The following TK2 variants were observed in gnomAD, a reference collection of about 807,000 sequenced individuals.
TK2 encodes thymidine kinase 2, mitochondrial.
A neutral mutation model predicts 41.9 loss-of-function variants in TK2; 35 were observed. That is an observed-to-expected ratio of 0.84 (90% CI 0.64 to 1.11). The LOEUF is 1.11. Ranked by LOEUF, TK2 falls within the 50% of genes least tolerant of loss-of-function variation. The probability of loss-of-function intolerance (pLI) is 0.00; values close to 1 mark genes in which losing one functional copy is unlikely to be tolerated. For missense variants in TK2, 320 were observed against 351.1 expected (o/e 0.91, Z 0.71); for synonymous variants, 128 against 129.1 (o/e 0.99, Z 0.06).
At chr16:66,525,260 G>A (rs1964897942) in intron 6 of TK2, among the ~76,000 whole-genome samples, 1 of 152,190 alleles carries the variant, frequency 6.6e-6, no homozygotes, top group Admixed American at 6.5e-5. Context: ...TAGGGACTCT[G>A]GGGTATGTGG....
rs1260222826 is a variant in TK2 at position 66,509,403 on chromosome 16, A to G, written c.*2565T>C. On this transcript the variant is annotated 3_prime_UTR_variant, in exon 10 of 10. Coordinates refer to ENST00000544898, the MANE Select transcript of TK2 (RefSeq NM_004614.5). Reference sequence around the variant, plus strand: ...CTTCTTTTATGTAAAAGATAAATATATTTCTATCTAGTTTCCAAAAAAAAC... The same window carrying G: ...CTTCTTTTATGTAAAAGATAAATATGTTTCTATCTAGTTTCCAAAAAAAAC... 1 of 152,142 alleles carries G rather than the reference A, an allele frequency of 6.6e-6. No homozygotes were observed. The highest frequency in any genetic ancestry group is 1.5e-5 in the Non-Finnish European group (1 of 68,030). 9.4% of individuals were successfully genotyped at this position (152,142 alleles called of 1,614,324 possible).
Position 66,517,924 on chromosome 16 carries a change from G to A in TK2, c.450-47C>T. On this transcript the variant is annotated intron_variant, in intron 6 of 9. Transcript: ENST00000544898. The surrounding 1 kb of genome is among the most constrained non-coding windows in gnomAD (Gnocchi z 4.3). ...CTTATTCACCTAAGAGAAAACTTCT[G>A]GGCTATGCAATTCCCCCAAAAGGAT... 3 of 1,519,902 alleles carry A rather than the reference G, an allele frequency of 2.0e-6. No individual in the cohort carries two copies. The highest frequency in any genetic ancestry group is 2.7e-6 in the Non-Finnish European group (3 of 1,094,168). The allele number at this position is 1,519,902 out of a possible 1,614,324, so 94.2% of individuals were successfully genotyped here. A position where few individuals can be genotyped will look rare whatever the true frequency, so the allele number is the denominator to read the frequency against.
Position 66,514,375 on chromosome 16 carries a change from C to A in TK2, c.619-564G>T, listed in dbSNP as rs997785925. On this transcript the variant is annotated intron_variant, in intron 8 of 9. Coordinates refer to ENST00000544898, the MANE Select transcript of TK2 (RefSeq NM_004614.5). This position sits in a 1 kb window ranked among gnomAD's most constrained non-coding sequence, Gnocchi z 4.2. ...ACCGCGAGTGATCCGCCAGCCTCGG[C>A]CTCCCGAGGTGCCGGGATTGCAGAC... Among the ~76,000 whole-genome samples, 7 of 152,378 alleles carry A rather than the reference C, an allele frequency of 4.6e-5. No individual in the cohort carries two copies. In the South Asian group the frequency reaches 1.4e-3, roughly 32 times the overall value.
chr16:66,548,025 G>A (rs1295750808), intron 2 of TK2: 1 of 1,206,146 alleles, frequency 8.3e-7, no homozygotes, highest in South Asian at 1.3e-5. Context: ...TTGAGCCCAG[G>A]AGTTGGAGGC....
intron 9 of TK2, among the ~76,000 whole-genome samples, chr16:66,513,027 C>T (rs1202206908): frequency 6.6e-6 from 1 of 152,174 alleles, no homozygotes; most frequent in Non-Finnish European, 1.5e-5. Flanking sequence ...CTTAGGTTCC[C>T]TCCAATCAAG....
At chr16:66,544,250 G>C (rs1325806785) in intron 2 of TK2, among the ~76,000 whole-genome samples, 1 of 152,088 alleles carries the variant, frequency 6.6e-6, no homozygotes, top group Non-Finnish European at 1.5e-5. Flanking sequence ...AATGGAAGGG[G>C]GAACAGGAAG....
intron 4 of TK2, among the ~76,000 whole-genome samples, chr16:66,533,582 T>C (rs1371544277): frequency 6.6e-6 from 1 of 151,994 alleles, no homozygotes; most frequent in Non-Finnish European, 1.5e-5. Context: ...AAGTTTAAAA[T>C]TTTTAAAGAA....
intron 4 of TK2, among the ~76,000 whole-genome samples, chr16:66,533,745 C>A (rs556063643): frequency 1.3e-5 from 2 of 151,898 alleles, no homozygotes; most frequent in Admixed American, 1.3e-4. Flanking sequence ...TGGTGGCTCA[C>A]GTCTGTAATC....
chr16:66,546,121 T>C (rs942202863), intron 2 of TK2, among the ~76,000 whole-genome samples: 1 of 152,244 alleles, frequency 6.6e-6, no homozygotes, highest in Non-Finnish European at 1.5e-5. Flanking sequence ...TCCCAGCTAC[T>C]TGGGAGGCTG....
chr16:66,534,236 C>T (rs891655397), intron 4 of TK2, among the ~76,000 whole-genome samples: 4 of 152,080 alleles, frequency 2.6e-5, no homozygotes, highest in Admixed American at 1.3e-4. Flanking sequence ...AGATGCACCC[C>T]TTCAACCCTG....
At position 66,549,547 on chromosome 16, in the gene TK2, G is replaced by C. The variant is rs1281393107; in HGVS notation, c.124+391C>G. 5.7e-6 allele frequency: 6 copies of C among 1,054,906 alleles called. No homozygotes were observed. In the East Asian group the frequency reaches 2.3e-4, roughly 40 times the overall value. 65.3% of individuals were successfully genotyped at this position (1,054,906 alleles called of 1,614,324 possible). A position where few individuals can be genotyped will look rare whatever the true frequency, so the allele number is the denominator to read the frequency against. On this transcript the variant is annotated intron_variant, in intron 1 of 9. Transcript: ENST00000544898. ...CCCAGGGAGGGCAGGAGAGCGCCGG[G>C]GGCGTAACCCCCCTCCCCCACGCTG...
intron 6 of TK2, among the ~76,000 whole-genome samples, chr16:66,528,309 A>G (rs1279062360): frequency 7.2e-5 from 11 of 152,202 alleles, no homozygotes; most frequent in Non-Finnish European, 1.3e-4. Context: ...GGAGGGCCCC[A>G]TGCCTGAGCC....
At chr16:66,539,164 G>T (rs1965376273) in intron 3 of TK2, among the ~76,000 whole-genome samples, 1 of 152,132 alleles carries the variant, frequency 6.6e-6, no homozygotes, top group African/African-American at 2.4e-5. Context: ...GCCATTAAGA[G>T]TCATATCACT....
At chr16:66,539,091 A>T (rs1246454995) in intron 3 of TK2, among the ~76,000 whole-genome samples, 2 of 152,180 alleles carry the variant, frequency 1.3e-5, no homozygotes, top group African/African-American at 4.8e-5. Context: ...TACTCACTGG[A>T]TGTTAACTAT....
chr16:66,550,027 C>T lies in TK2; in HGVS notation c.35G>A (p.Arg12Gln), dbSNP rs1417888793. 5.2e-6 allele frequency: 8 copies of T among 1,550,492 alleles called. No individual in the cohort carries two copies. In the East Asian group the frequency reaches 9.7e-5, roughly 19 times the overall value. ...TCCCGGCCCAAAGCAGCGCAGCGCC[C>T]GGGCGGCCCAGCCCCGCAGCGGCCA... ...LLWPLRGWAA[R>Q]ALRCFGPGSR... Residue 12 changes from arginine to glutamine, a missense_variant, in exon 1 of 10, where the codon CGG becomes CAG. Physicochemically the swap from Arg to Gln is conservative, Grantham distance 43. Coordinates refer to ENST00000544898, the MANE Select transcript of TK2 (RefSeq NM_004614.5).
At chr16:66,529,449 G>A (rs866958202) in intron 5 of TK2, among the ~76,000 whole-genome samples, 1 of 152,254 alleles carries the variant, frequency 6.6e-6, no homozygotes, top group East Asian at 1.9e-4. Context: ...TGACTACCAC[G>A]GACCTAAATA....
chr16:66,517,303 T>A lies in TK2; in HGVS notation c.539-88A>T. On this transcript the variant is annotated intron_variant, in intron 7 of 9. Coordinates refer to ENST00000544898, the MANE Select transcript of TK2 (RefSeq NM_004614.5). The surrounding 1 kb of genome is among the most constrained non-coding windows in gnomAD (Gnocchi z 4.3). ...CACAGGCAAAGGCGGGAGGAAGGTC[T>A]GCACAGCTCGAGCAGGAAGCAGGGA... 18 of 1,125,266 alleles carry A rather than the reference T, an allele frequency of 1.6e-5. No homozygotes were observed. Among genetic ancestry groups the A allele is most frequent in the African/African-American group, 7.6e-5 (5 of 65,490 alleles). 69.7% of individuals were successfully genotyped at this position (1,125,266 alleles called of 1,614,324 possible).
chr16:66,550,290 G>A (rs763812160), upstream of TK2: 3 of 1,576,348 alleles, frequency 1.9e-6, no homozygotes, highest in Admixed American at 5.5e-5. Context: ...CCATAACTTG[G>A]CAACACTCGG....
intron 6 of TK2, among the ~76,000 whole-genome samples, chr16:66,528,286 T>C (rs1397069915): frequency 2.0e-5 from 3 of 152,200 alleles, no homozygotes; most frequent in Non-Finnish European, 4.4e-5. Flanking sequence ...CGGCAGTCTC[T>C]GAGCACAGGG....
Sources: allele counts gnomAD v4.1 joint callset (sites outside exome capture counted in the v4.1 genomes callset), GRCh38; gene constraint gnomAD v4.1.1; non-coding constraint Gnocchi (gnomAD v3.1); transcripts MANE v1.5; gene names NCBI Gene and HGNC (gene_info 2026-07-23, HGNC 2026-07-21).